NUP88: variants seen among roughly 807,000 people sequenced by gnomAD.
NUP88 encodes the protein nucleoporin 88.
A neutral mutation model predicts 93.9 loss-of-function variants in NUP88; 57 were observed. The ratio of observed to expected loss-of-function variants is 0.61; its 90% confidence interval spans 0.49 to 0.76. The LOEUF is 0.76. Among genes scored for constraint, NUP88 ranks in the 30% least tolerant of loss-of-function variants. The pLI, the probability that NUP88 is intolerant of heterozygous loss-of-function variation, is 0.00. For synonymous variants in NUP88, 346 were observed against 336.8 expected (o/e 1.03, Z -0.30); for missense variants, 911 against 901.0 (o/e 1.01, Z -0.14).
chr17:5,404,264 G>A lies in NUP88; in HGVS notation c.1045-18C>T. ...TTTTCTGACTGTAAAAAAAAGTGTT[G>A]TAATTTTGATCTTGCATGTTAATTT... On this transcript the variant is annotated intron_variant, in intron 6 of 16. Coordinates refer to ENST00000573584, the MANE Select transcript of NUP88 (RefSeq NM_002532.6). 1 of 1,610,066 alleles carries A rather than the reference G, an allele frequency of 6.2e-7. No individual in the cohort carries two copies. The highest frequency in any genetic ancestry group is 8.5e-7 in the Non-Finnish European group (1 of 1,177,996).
chr17:5,390,180 A>AT (rs1555528182), intron 10 of NUP88, among the ~76,000 whole-genome samples: 1 of 149,422 alleles, frequency 6.7e-6, no homozygotes, highest in Non-Finnish European at 1.5e-5. Context: ...AAAAAAAAAA[A>AT]ATATCCAGAC....
chr17:5,404,507 G>C (rs767375152), intron 6 of NUP88, among the ~76,000 whole-genome samples: 1 of 152,028 alleles, frequency 6.6e-6, no homozygotes. Context: ...CCAGCTACTG[G>C]GGAGGCTGAC....
chr17:5,402,269 T>TGCACTCCA (rs1324450643), intron 7 of NUP88, among the ~76,000 whole-genome samples: 4 of 151,616 alleles, frequency 2.6e-5, no homozygotes, highest in Non-Finnish European at 4.4e-5. Flanking sequence ...ATCGTGCCAT[T>TGCACTCCA]GCACTCCAGC....
intron 8 of NUP88, among the ~76,000 whole-genome samples, chr17:5,396,704 C>CATTGAGGAAT (rs1912798379): frequency 6.6e-6 from 1 of 152,104 alleles, no homozygotes; most frequent in Non-Finnish European, 1.5e-5. Context: ...TGAGGAACTG[C>CATTGAGGAAT]CAGATTGTTT....
rs3026132 is a variant in NUP88, at chr17:5,404,841, G to A, written c.1044+216C>T. On this transcript the variant is annotated intron_variant, in intron 6 of 16. Coordinates refer to ENST00000573584, the MANE Select transcript of NUP88 (RefSeq NM_002532.6). ...CAATATAGAGACCAGAAAGTAACAT[G>A]CAGACTGGTGGACCAAGTAAGTTGG... Among the ~76,000 whole-genome samples the A allele has an allele frequency of 4.5e-3, 679 of 152,298 alleles. 3 individuals are homozygous for A. Among genetic ancestry groups the A allele is most frequent in the African/African-American group, 0.014 (580 of 41,556 alleles).
intron 4 of NUP88, 78 bp downstream of exon 4, chr17:5,410,625 T>C: frequency 1.1e-6 from 1 of 872,518 alleles, no homozygotes; most frequent in African/African-American, 1.7e-5. Flanking sequence ...CTGAAAAACC[T>C]TGCAACCTGT....
Position 5,419,657 on chromosome 17 carries a change from C to T in NUP88, c.-7G>A, listed in dbSNP as rs1233583658. The T allele has an allele frequency of 1.9e-6, 3 of 1,578,044 alleles. No homozygotes were observed. Among genetic ancestry groups the T allele is most frequent in the East Asian group, 2.3e-5 (1 of 44,440 alleles). On this transcript the variant is annotated 5_prime_UTR_variant, in exon 1 of 17. Transcript: ENST00000573584. The stretch of plus-strand genomic sequence containing the variant: ...GTCCCTCGGCGGCCGCCATCTTGGC[C>T]CAACTGCTCCCCTCACTCCAGTTGC...
At chr17:5,405,727 C>A (rs1567573574) in intron 5 of NUP88, among the ~76,000 whole-genome samples, 1 of 152,180 alleles carries the variant, frequency 6.6e-6, no homozygotes, top group Non-Finnish European at 1.5e-5. Context: ...ATGCACTTAA[C>A]CTTCTGCTGC....
chr17:5,390,163 C>CAAAA (rs34058484), intron 10 of NUP88, among the ~76,000 whole-genome samples: 3 of 89,108 alleles, frequency 3.4e-5, no homozygotes, highest in Non-Finnish European at 4.7e-5. Flanking sequence ...AACTCCGTCT[C>CAAAA]AAAAAAAAAA....
At chr17:5,409,319 A>G (rs922927253) in intron 4 of NUP88, among the ~76,000 whole-genome samples, 3 of 150,896 alleles carry the variant, frequency 2.0e-5, no homozygotes, top group African/African-American at 7.3e-5. Context: ...GGTTGCAGTG[A>G]GCCGAGATTG....
intron 5 of NUP88, among the ~76,000 whole-genome samples, chr17:5,406,565 G>A (rs987744975): frequency 2.6e-5 from 4 of 151,980 alleles, no homozygotes; most frequent in African/African-American, 9.7e-5. Flanking sequence ...GGTCCAAAAT[G>A]GGATTTGGGG....
chr17:5,403,562 A>C (rs1476898739), intron 7 of NUP88, among the ~76,000 whole-genome samples: 1 of 152,156 alleles, frequency 6.6e-6, no homozygotes, highest in Non-Finnish European at 1.5e-5. Flanking sequence ...TGGGAGGCTG[A>C]GGCAAAATAA....
intron 10 of NUP88, among the ~76,000 whole-genome samples, chr17:5,390,081 C>G (rs1190674919): frequency 6.6e-6 from 1 of 150,738 alleles, no homozygotes; most frequent in Non-Finnish European, 1.5e-5. Flanking sequence ...AGGAGAATCA[C>G]TTGAACCCGG....
At chr17:5,419,040 G>A (rs571424452) in intron 1 of NUP88, among the ~76,000 whole-genome samples, 1 of 152,270 alleles carries the variant, frequency 6.6e-6, no homozygotes, top group African/African-American at 2.4e-5. Context: ...CAGGAAACAG[G>A]TTTCTCTCGA....
Position 5,419,600 on chromosome 17 carries a change from C to G in NUP88, c.51G>C (p.Trp17Cys). The change falls in exon 1 of 17, where the codon TGG (tryptophan) becomes TGC (cysteine). Residue 17 changes from tryptophan (W) to cysteine (C), a missense_variant. Physicochemically the swap from Trp to Cys is radical, Grantham distance 215 (BLOSUM62 -2). Coordinates refer to ENST00000573584, the MANE Select transcript of NUP88 (RefSeq NM_002532.6). ...GCAAGAACACGACGTGGTTAGGAAG[C>G]CAGGTCTGCCACAGCTCGCCGTCGC... ...PVGDGELWQT[W>C]LPNHVVFLRL... 1 of 1,603,660 alleles carries G rather than the reference C, an allele frequency of 6.2e-7. No homozygotes were observed. The highest frequency in any genetic ancestry group is 8.5e-7 in the Non-Finnish European group (1 of 1,173,592).
intron 8 of NUP88, among the ~76,000 whole-genome samples, chr17:5,396,965 G>A (rs914536535): frequency 2.0e-5 from 3 of 151,980 alleles, no homozygotes; most frequent in Non-Finnish European, 4.4e-5. Context: ...TTCTCCATAC[G>A]AGTCCATTAT....
chr17:5,414,237 C>T (rs1914008440), intron 2 of NUP88, 103 bp from the exon 3 acceptor site: 1 of 1,034,954 alleles, frequency 9.7e-7, no homozygotes, highest in African/African-American at 1.6e-5. Flanking sequence ...CTCTTGTTGC[C>T]CAGGCTGGAG....
chr17:5,399,695 C>T (rs1196491045), intron 7 of NUP88, 45 bp from the exon 8 acceptor site: 1 of 1,080,216 alleles, frequency 9.3e-7, no homozygotes, highest in African/African-American at 1.6e-5. Flanking sequence ...CAGTGGATAA[C>T]TAAAAAAATT....
chr17:5,401,303 A>C (rs1251984858), intron 7 of NUP88, among the ~76,000 whole-genome samples: 1 of 152,146 alleles, frequency 6.6e-6, no homozygotes, highest in East Asian at 1.9e-4. Flanking sequence ...GAATCGCTCG[A>C]ACCTGGGAGG....
Sources: gnomAD v4.1 joint callset for allele counts (sites outside exome capture counted in the v4.1 genomes callset) on GRCh38, gnomAD v4.1.1 for gene constraint, MANE v1.5 for transcripts, NCBI Gene and HGNC (gene_info 2026-07-23, HGNC 2026-07-21) for gene names.